Variants in DLG2 observed in about 807,000 individuals in gnomAD.
The protein encoded by DLG2 is disks large homolog 2.
A neutral mutation model predicts 132.5 loss-of-function variants in DLG2; 45 were observed. The ratio of observed to expected loss-of-function variants is 0.34; its 90% CI spans 0.27 to 0.44. DLG2 has a LOEUF of 0.44. Among genes scored for constraint, DLG2 ranks in the 20% least tolerant of loss-of-function variants. The probability of loss-of-function intolerance (pLI) is 1.00; values close to 1 mark genes in which losing one functional copy is unlikely to be tolerated. For synonymous variants in DLG2, 424 were observed against 419.6 expected, an observed-to-expected ratio of 1.01 and a Z score of -0.13; for missense variants, 1,045 against 1,196.9, an observed-to-expected ratio of 0.87 and a Z score of 1.87.
chr11:84,615,818 T>TAAAAGAAAAAAAAAAAA (rs2099603010), intron 6 of DLG2, among the ~76,000 whole-genome samples: 1 of 67,640 alleles, frequency 1.5e-5, no homozygotes, highest in African/African-American at 6.1e-5. Flanking sequence ...ACAAAAACGG[T>TAAAAGAAAAAAAAAAAA]AAAAAAAAAA....
At chr11:84,925,891 AAC>A (rs781186284) in intron 6 of DLG2, among the ~76,000 whole-genome samples, 24 of 152,270 alleles carry the variant, frequency 1.6e-4, no homozygotes, top group Non-Finnish European at 3.2e-4. Context: ...ACTAGAAGAA[AAC>A]ACAGATTTGA....
intron 4 of DLG2, among the ~76,000 whole-genome samples, chr11:85,173,298 G>A (rs1408502025): frequency 6.6e-6 from 1 of 152,144 alleles, no homozygotes; most frequent in South Asian, 2.1e-4. Context: ...CTACAAACCA[G>A]AAGAGATTGG....
At chr11:83,677,938 C>T (rs2078056380) in intron 18 of DLG2, among the ~76,000 whole-genome samples, 1 of 152,186 alleles carries the variant, frequency 6.6e-6, no homozygotes, top group African/African-American at 2.4e-5. Flanking sequence ...CCCTGTGAGG[C>T]AGGGTTCCAC....
chr11:85,464,420 G>A (rs1394279631), intron 3 of DLG2, among the ~76,000 whole-genome samples: 1 of 152,122 alleles, frequency 6.6e-6, no homozygotes, highest in African/African-American at 2.4e-5. Context: ...GGGAAGGGGT[G>A]CTCCTGATTG....
chr11:84,127,767 T>A (rs1047195351), intron 9 of DLG2, among the ~76,000 whole-genome samples: 1 of 152,180 alleles, frequency 6.6e-6, no homozygotes, highest in Non-Finnish European at 1.5e-5. Flanking sequence ...GTTCTTCTTA[T>A]GTGCGTATCT....
At chr11:83,696,148 C>T (rs1398251705) in intron 18 of DLG2, among the ~76,000 whole-genome samples, 2 of 152,040 alleles carry the variant, frequency 1.3e-5, no homozygotes, top group Non-Finnish European at 2.9e-5. Flanking sequence ...GCATAGAGAA[C>T]AGTTAGGAGG....
chr11:84,114,827 ATT>A (rs11376031), intron 9 of DLG2, among the ~76,000 whole-genome samples: 27 of 140,304 alleles, frequency 1.9e-4, no homozygotes, highest in South Asian at 9.1e-4. Flanking sequence ...AAGCCTGGCT[ATT>A]TTTTTTTTTT....
At chr11:85,297,913 C>A (rs2079340403) in intron 3 of DLG2, among the ~76,000 whole-genome samples, 1 of 152,110 alleles carries the variant, frequency 6.6e-6, no homozygotes, top group South Asian at 2.1e-4. Flanking sequence ...TAAGGAAGGC[C>A]AAATAGGCTA....
chr11:84,387,472 C>A (rs1240682772), intron 7 of DLG2, among the ~76,000 whole-genome samples: 1 of 151,788 alleles, frequency 6.6e-6, no homozygotes, highest in Non-Finnish European at 1.5e-5. Context: ...AAATAAATAG[C>A]CAACTATGGT....
At chr11:84,449,736 T>C (rs2099045957) in intron 7 of DLG2, among the ~76,000 whole-genome samples, 1 of 151,886 alleles carries the variant, frequency 6.6e-6, no homozygotes, top group African/African-American at 2.4e-5. Context: ...TTGACTCACT[T>C]TTTATTTAAA....
rs184380849 is a variant in DLG2, at chr11:83,644,604, T to C, written c.1826-11279A>G. On this transcript the variant is annotated intron_variant, in intron 18 of 27. Coordinates refer to ENST00000376104, the MANE Select transcript of DLG2 (RefSeq NM_001142699.3). ...ATTTTGTGTTATGCAGCCAGAAAAATCACATAATGGGAACTTACCCACAGC... is the reference window on the plus strand; with the variant it reads ...ATTTTGTGTTATGCAGCCAGAAAAACCACATAATGGGAACTTACCCACAGC... Among the ~76,000 whole-genome samples the C allele has an allele frequency of 2.9e-3, 446 of 152,082 alleles. 1 individual carries two copies. Among genetic ancestry groups the C allele is most frequent in the African/African-American group, 0.01 (415 of 41,496 alleles).
intron 19 of DLG2, among the ~76,000 whole-genome samples, chr11:83,581,489 T>C (rs1169143134): frequency 6.6e-6 from 1 of 151,248 alleles, no homozygotes; most frequent in Non-Finnish European, 1.5e-5. Context: ...TTATTTCAGC[T>C]CAAAAAAAAA....
intron 3 of DLG2, among the ~76,000 whole-genome samples, chr11:85,431,770 G>C (rs1372129357): frequency 6.6e-6 from 1 of 152,236 alleles, no homozygotes; most frequent in Non-Finnish European, 1.5e-5. Flanking sequence ...ACCCAGATGA[G>C]TGGGGTCCCC....
intron 7 of DLG2, among the ~76,000 whole-genome samples, chr11:84,486,474 T>C (rs557694609): frequency 6.6e-6 from 1 of 152,284 alleles, no homozygotes; most frequent in South Asian, 2.1e-4. Flanking sequence ...AGGTTCTTCC[T>C]AGTAGTACAA....
At chr11:83,893,052 T>C (rs1473228407) in intron 15 of DLG2, among the ~76,000 whole-genome samples, 4 of 152,208 alleles carry the variant, frequency 2.6e-5, no homozygotes, top group Non-Finnish European at 4.4e-5. Context: ...GCATTTTCAA[T>C]GATTTATTTT....
chr11:84,727,971 T>C (rs774728727), intron 6 of DLG2, among the ~76,000 whole-genome samples: 18 of 152,216 alleles, frequency 1.2e-4, no homozygotes, highest in Non-Finnish European at 2.5e-4. Context: ...TGAGGTTGCT[T>C]ATCAGCTTAA....
intron 15 of DLG2, among the ~76,000 whole-genome samples, chr11:83,926,752 C>T (rs891617454): frequency 6.6e-6 from 1 of 152,090 alleles, no homozygotes; most frequent in Non-Finnish European, 1.5e-5. Context: ...TTCTCATCTA[C>T]TTCCGAGGGT....
intron 6 of DLG2, among the ~76,000 whole-genome samples, chr11:84,700,758 T>A (rs1230887060): frequency 6.6e-6 from 1 of 151,640 alleles, no homozygotes; most frequent in Admixed American, 6.6e-5. Context: ...CTCCTCCATT[T>A]GTTTGCACTT....
chr11:83,809,938 C>T (rs1036464828), intron 17 of DLG2, among the ~76,000 whole-genome samples: 3 of 152,068 alleles, frequency 2.0e-5, no homozygotes, highest in African/African-American at 7.2e-5. Context: ...CAAAGTTATG[C>T]ATAATGAGAA....
Sources: allele counts gnomAD v4.1 joint callset (sites outside exome capture counted in the v4.1 genomes callset), GRCh38; gene constraint gnomAD v4.1.1; transcripts MANE v1.5; gene names NCBI Gene and HGNC (gene_info 2026-07-23, HGNC 2026-07-21).